Variants in MN1 observed in about 807,000 individuals in gnomAD.
MN1 encodes the protein MN1 proto-oncogene, transcriptional regulator.
Under a neutral mutation model 86.9 loss-of-function variants are expected in MN1, and 19 were observed. That is an observed-to-expected ratio of 0.22 (90% CI 0.15 to 0.32). The LOEUF (loss-of-function observed/expected upper bound fraction) is 0.32. Ranked by LOEUF, MN1 falls within the 10% of genes least tolerant of loss-of-function variation. The pLI, the probability that MN1 is intolerant of heterozygous loss-of-function variation, is 1.00. For synonymous variants in MN1, 928 were observed against 849.6 expected (o/e 1.09, Z -1.60); for missense variants, 1,841 against 1,862.0 (o/e 0.99, Z 0.21).
At chr22:27,779,894 G>A (rs968558243) in intron 1 of MN1, among the ~76,000 whole-genome samples, 4 of 152,110 alleles carry the variant, frequency 2.6e-5, no homozygotes, top group Middle Eastern at 3.2e-3. Context: ...AGTCTCCCTG[G>A]ACCAGGACAT....
At chr22:27,752,212 C>T (rs527593696) in intron 1 of MN1, among the ~76,000 whole-genome samples, 118 of 152,258 alleles carry the variant, frequency 7.7e-4, no homozygotes, top group African/African-American at 1.3e-3. Context: ...AGTGTCCACC[C>T]GGCTCATGCA....
In MN1 at chr22:27,797,954, C is replaced by G. The variant is rs1458205467; in HGVS notation, c.2590G>C (p.Glu864Gln). Residue 864 changes from glutamate to glutamine, a missense_variant, in exon 1 of 2, where the codon GAG becomes CAG. By Grantham distance (29) the Glu-to-Gln change is conservative. Transcript: ENST00000302326. ...CCGGCCACTGCCGCGCCGTCGGTCTCGTTCTGGCTCAGTTTCCTCTTGCCC... is the reference window on the plus strand; with the variant it reads ...CCGGCCACTGCCGCGCCGTCGGTCTGGTTCTGGCTCAGTTTCCTCTTGCCC... ...PEGKRKLSQN[E>Q]TDGAAVAGNP... 1.3e-6 allele frequency: 2 copies of G among 1,594,024 alleles called. No homozygotes were observed. Among genetic ancestry groups the G allele is most frequent in the South Asian group, 1.1e-5 (1 of 88,604 alleles).
At chr22:27,775,525 C>T (rs1284208742) in intron 1 of MN1, among the ~76,000 whole-genome samples, 4 of 152,292 alleles carry the variant, frequency 2.6e-5, no homozygotes, top group East Asian at 3.9e-4. Flanking sequence ...TGCATACCGC[C>T]GTGGCCCAGC....
intron 1 of MN1, among the ~76,000 whole-genome samples, chr22:27,774,011 T>G (rs1169136755): frequency 6.6e-6 from 1 of 152,036 alleles, no homozygotes; most frequent in African/African-American, 2.4e-5. Flanking sequence ...CTCTCAGTGG[T>G]AGGGGCTCAG....
At chr22:27,763,734 C>A (rs539601897) in intron 1 of MN1, among the ~76,000 whole-genome samples, 2 of 152,334 alleles carry the variant, frequency 1.3e-5, no homozygotes, top group Non-Finnish European at 2.9e-5. Context: ...GGGCACTGAG[C>A]TCAGAGAGGT....
Position 27,799,008 on chromosome 22 carries a change from C to T in MN1, c.1536G>A (p.Leu512=), listed in dbSNP as rs1467921680. 6.2e-7 allele frequency: 1 copy of T among 1,610,572 alleles called. No homozygotes were observed. Among genetic ancestry groups the T allele is most frequent in the Non-Finnish European group, 8.5e-7 (1 of 1,179,028 alleles). The change falls in exon 1 of 2, where the codon CTG becomes CTA. Residue 512 remains leucine (L), a synonymous_variant. Coordinates refer to ENST00000302326, the MANE Select transcript of MN1 (RefSeq NM_002430.3). The stretch of plus-strand genomic sequence containing the variant: ...ACTGGTGGTCCGGGGCCGGATGCTG[C>T]AGGGGCGGCCCCGAAGGGAAGCTGT... ...VPDSFPSGPP[L]QHPAPDHQSL... is the part of the protein sequence containing the mutation.
At chr22:27,761,949 G>A (rs776919825) in intron 1 of MN1, among the ~76,000 whole-genome samples, 20 of 152,300 alleles carry the variant, frequency 1.3e-4, no homozygotes, top group African/African-American at 4.3e-4. Context: ...GGGCAGGACC[G>A]GGGAATGCGG....
At chr22:27,777,977 T>C (rs1021633855) in intron 1 of MN1, among the ~76,000 whole-genome samples, 1 of 152,138 alleles carries the variant, frequency 6.6e-6, no homozygotes, top group Non-Finnish European at 1.5e-5. Flanking sequence ...TGGGAACAGC[T>C]ACCAGGGATT....
rs1433061881 is a variant in MN1, at chr22:27,801,376, G to A, written c.-833C>T. On this transcript the variant is annotated 5_prime_UTR_variant, in exon 1 of 2. Coordinates refer to ENST00000302326, the MANE Select transcript of MN1 (RefSeq NM_002430.3). Reference sequence around the variant, plus strand: ...TTCGCGGCCACGTCCGCCGCCTGCCGCTTCTGTTCTCCGCCGTTGGGTGTC... The same window carrying A: ...TTCGCGGCCACGTCCGCCGCCTGCCACTTCTGTTCTCCGCCGTTGGGTGTC... 4.3e-5 allele frequency: 9 copies of A among 208,112 alleles called. No homozygotes were observed. The East Asian group carries it at 5.3e-4, about 12-fold the overall frequency. 12.9% of individuals were successfully genotyped at this position (208,112 alleles called of 1,614,324 possible).
rs1415549331 is a variant in MN1, at chr22:27,800,148, G to A, written c.396C>T (p.Arg132=). 6.4e-7 allele frequency: 1 copy of A among 1,556,022 alleles called. No homozygotes were observed. The highest frequency in any genetic ancestry group is 8.6e-7 in the Non-Finnish European group (1 of 1,156,722). Residue 132 remains arginine (R), a synonymous_variant, in exon 1 of 2, where the codon CGC becomes CGT. Transcript: ENST00000302326. The stretch of plus-strand genomic sequence containing the variant: ...CGGCTGCGCCGCCGTAGCCGAGCAG[G>A]CGACCCCCGTGCAGGCACGAGGCCC... ...DPGASCLHGG[R]LLGYGGAAGG... is the part of the protein sequence containing the mutation.
chr22:27,761,394 CTCTT>C (rs916805991), intron 1 of MN1, among the ~76,000 whole-genome samples: 4 of 150,788 alleles, frequency 2.7e-5, no homozygotes, highest in African/African-American at 9.8e-5. Context: ...ATTTCTCTCT[CTCTT>C]TCTCTCTCTC....
rs1230392560 is a variant in MN1 at position 27,801,533 on chromosome 22, GA to G, written c.-991del. On this transcript the variant is annotated 5_prime_UTR_variant, in exon 1 of 2. Transcript: ENST00000302326. ...TCGCGAGTCCCTCTCGGACCTGAGG[GA>G]GGGGGGCGTACGCGGGTCGGGGGGC... The G allele has an allele frequency of 5.4e-6, 1 of 183,734 alleles. No individual in the cohort carries two copies. The highest frequency in any genetic ancestry group is 1.2e-5 in the Non-Finnish European group (1 of 86,510). The allele number at this position is 183,734 out of a possible 1,614,324, so 11.4% of individuals were successfully genotyped here. A position where few individuals can be genotyped will look rare whatever the true frequency, so the allele number is the denominator to read the frequency against.
intron 1 of MN1, among the ~76,000 whole-genome samples, chr22:27,784,126 T>C (rs2146308369): frequency 6.6e-6 from 1 of 152,166 alleles, no homozygotes; most frequent in South Asian, 2.1e-4. Flanking sequence ...AGAAGTCGTA[T>C]AAAGGGGAGC....
intron 1 of MN1, among the ~76,000 whole-genome samples, chr22:27,756,361 G>A (rs45524633): frequency 2.9e-4 from 44 of 152,136 alleles, no homozygotes; most frequent in African/African-American, 9.2e-4. Flanking sequence ...GGTGAGCCAC[G>A]TGCTCAGGCG....
At chr22:27,785,926 A>G (rs1217547406) in intron 1 of MN1, among the ~76,000 whole-genome samples, 1 of 152,196 alleles carries the variant, frequency 6.6e-6, no homozygotes, top group Non-Finnish European at 1.5e-5. Flanking sequence ...TAACGGGCCC[A>G]CATAAAAAAA....
intron 1 of MN1, among the ~76,000 whole-genome samples, chr22:27,773,145 G>A (rs1932934651): frequency 6.7e-6 from 1 of 148,960 alleles, no homozygotes; most frequent in Non-Finnish European, 1.5e-5. Context: ...TTGCAGGTCA[G>A]AGGCTCCCCC....
At chr22:27,796,646 A>T (rs971219005) in intron 1 of MN1, 117 bp downstream of exon 1, 6 of 1,045,004 alleles carry the variant, frequency 5.7e-6, no homozygotes, top group Non-Finnish European at 8.3e-6. Flanking sequence ...CTAGTTGGGG[A>T]TTAGGAGGGT....
chr22:27,797,981 C>G lies in MN1; in HGVS notation c.2563G>C (p.Glu855Gln). ...TTCTGGCTCAGTTTCCTCTTGCCCT[C>G]TGGCGGGTTCTTCTTGTTGAAGGTC... ...NVTFNKKNPP[E>Q]GKRKLSQNET... The change falls in exon 1 of 2, where the codon GAG becomes CAG. Residue 855 changes from glutamate (E) to glutamine (Q), a missense_variant. Coordinates refer to ENST00000302326, the MANE Select transcript of MN1 (RefSeq NM_002430.3). The G allele has an allele frequency of 6.3e-7, 1 of 1,591,972 alleles. No individual in the cohort carries two copies. The highest frequency in any genetic ancestry group is 2.2e-5 in the East Asian group (1 of 44,648).
At chr22:27,786,866 T>C (rs1280393023) in intron 1 of MN1, among the ~76,000 whole-genome samples, 1 of 148,950 alleles carries the variant, frequency 6.7e-6, no homozygotes, top group Admixed American at 6.7e-5. Context: ...ACACACACAC[T>C]TCTAATCCCA....
Sources: gnomAD v4.1 joint callset for allele counts (sites outside exome capture counted in the v4.1 genomes callset) on GRCh38, gnomAD v4.1.1 for gene constraint, MANE v1.5 for transcripts, NCBI Gene and HGNC (gene_info 2026-07-23, HGNC 2026-07-21) for gene names.